ZNF567: variants seen among roughly 807,000 people sequenced by gnomAD.
ZNF567 encodes zinc finger protein 567.
A neutral mutation model predicts 53.9 loss-of-function variants in ZNF567; 36 were observed. The ratio of observed to expected loss-of-function variants is 0.67; its 90% CI spans 0.51 to 0.88. The LOEUF is 0.88. Ranked by LOEUF, ZNF567 falls within the 40% of genes least tolerant of loss-of-function variation. The probability of loss-of-function intolerance (pLI) is 0.00; values close to 1 mark genes in which losing one functional copy is unlikely to be tolerated. For missense variants in ZNF567, 619 were observed against 764.7 expected (o/e 0.81, Z 2.25); for synonymous variants, 224 against 260.4 (o/e 0.86, Z 1.35).
chr19:36,723,410 T>C, downstream of ZNF567: 1 of 578,906 alleles, frequency 1.7e-6, no homozygotes, highest in Non-Finnish European at 3.1e-6. Flanking sequence ...ATGTACTGTT[T>C]CAGTAGAACA....
rs745344434 is a variant in ZNF567 at position 36,712,450 on chromosome 19, A to G, written c.74A>G (p.His25Arg). The G allele has an allele frequency of 4.3e-6, 7 of 1,614,132 alleles. No individual in the cohort carries two copies. In the Admixed American group the frequency reaches 1.2e-4, roughly 27 times the overall value. The change falls in exon 4 of 6, where the codon CAT becomes CGT. Residue 25 changes from histidine (H) to arginine (R), a missense_variant. Physicochemically the swap from His to Arg is conservative, Grantham distance 29. Transcript: ENST00000682579. ...CAGGAGGAGTGGCAGCACCTGGATCATGCTCAGAAGACTCTATATATGGAT... is the reference window on the plus strand; with the variant it reads ...CAGGAGGAGTGGCAGCACCTGGATCGTGCTCAGAAGACTCTATATATGGAT... ...FTQEEWQHLD[H>R]AQKTLYMDVM...
chr19:36,718,477 T>C (rs1600580066), intron 5 of ZNF567, among the ~76,000 whole-genome samples: 1 of 151,964 alleles, frequency 6.6e-6, no homozygotes, highest in African/African-American at 2.4e-5. Flanking sequence ...CCAGCCTGGG[T>C]GACAAAGCGA....
the ZNF567 span, among the ~76,000 whole-genome samples, chr19:36,672,128 A>G: frequency 6.6e-6 from 1 of 152,208 alleles, no homozygotes; most frequent in Non-Finnish European, 1.5e-5. Context: ...GGACATCCCC[A>G]AAGAACAGTG....
chr19:36,719,982 C>G lies in ZNF567; in HGVS notation c.1258C>G (p.Pro420Ala). Residue 420 changes from proline to alanine, a missense_variant, in exon 6 of 6, where the codon CCC becomes GCC. By Grantham distance (27) the Pro-to-Ala change is conservative. Transcript: ENST00000682579. ...VHQRTHTGEK[P>A]YICNECGKSF... is the part of the protein sequence containing the mutation. The stretch of plus-strand genomic sequence containing the variant: ...TCAGAGAACTCATACAGGGGAAAAG[C>G]CCTATATTTGTAATGAATGTGGGAA... The G allele has an allele frequency of 6.2e-7, 1 of 1,613,620 alleles. No individual in the cohort carries two copies. Among genetic ancestry groups the G allele is most frequent in the Non-Finnish European group, 8.5e-7 (1 of 1,179,902 alleles).
the ZNF567 span, among the ~76,000 whole-genome samples, chr19:36,681,343 G>T: frequency 1.3e-5 from 2 of 152,012 alleles, no homozygotes; most frequent in Non-Finnish European, 2.9e-5. Flanking sequence ...ACACATTTAA[G>T]GGTCCCTTTT....
At chr19:36,700,318 G>A (rs988026003) in intron 3 of ZNF567, among the ~76,000 whole-genome samples, 24 of 146,120 alleles carry the variant, frequency 1.6e-4, no homozygotes, top group African/African-American at 3.0e-4. Flanking sequence ...TGCTGGATTC[G>A]GTTTGCCAGT....
At chr19:36,725,553 TG>T (rs1183950019), downstream of ZNF567, among the ~76,000 whole-genome samples, 1 of 152,166 alleles carries the variant, frequency 6.6e-6, no homozygotes, top group Non-Finnish European at 1.5e-5. Flanking sequence ...TGTTACGTTT[TG>T]GGGATGGGAA....
At chr19:36,676,155 C>T in the ZNF567 span, among the ~76,000 whole-genome samples, 1 of 140,710 alleles carries the variant, frequency 7.1e-6, no homozygotes, top group Admixed American at 7.6e-5. Flanking sequence ...CAACCTCTGC[C>T]TCCTGGGTCA....
At chr19:36,673,498 A>G in the ZNF567 span, among the ~76,000 whole-genome samples, 1 of 152,212 alleles carries the variant, frequency 6.6e-6, no homozygotes, top group Non-Finnish European at 1.5e-5. Flanking sequence ...AGTTCTTAAT[A>G]GTACAAAGGC....
Position 36,694,800 on chromosome 19 carries a change from A to G in ZNF567, c.-66-2A>G. On this transcript the variant is annotated splice_acceptor_variant, in intron 2 of 5. Coordinates refer to ENST00000682579, the MANE Select transcript of ZNF567 (RefSeq NM_001322917.1). LOFTEE classifies it low-confidence loss of function (5UTR_SPLICE). ...TTTTTTGTCTCGGCTTTGCCTCCTT[A>G]GGAACTGCCTCTTTTCTAAAGAGGA... 1 of 1,466,162 alleles carries G rather than the reference A, an allele frequency of 6.8e-7. No individual in the cohort carries two copies. The highest frequency in any genetic ancestry group is 9.0e-7 in the Non-Finnish European group (1 of 1,108,690). The allele number at this position is 1,466,162 out of a possible 1,614,324, so 90.8% of individuals were successfully genotyped here.
At chr19:36,711,072 T>TTG (rs34088180) in intron 3 of ZNF567, among the ~76,000 whole-genome samples, 46,259 of 150,268 alleles carry the variant, frequency 0.31, 7,312 homozygotes, top group East Asian at 0.58. Flanking sequence ...CTCTCACTTT[T>TTG]TGTGTGTGTG....
At chr19:36,723,389 A>G, downstream of ZNF567, 1 of 623,484 alleles carries the variant, frequency 1.6e-6, no homozygotes, top group Non-Finnish European at 2.9e-6. Context: ...ACTGATTATC[A>G]TGAAATAGCC....
At chr19:36,676,839 G>A in the ZNF567 span, among the ~76,000 whole-genome samples, 1 of 152,046 alleles carries the variant, frequency 6.6e-6, no homozygotes, top group Non-Finnish European at 1.5e-5. Context: ...GCAACATGGT[G>A]AAACTTCATC....
chr19:36,708,450 C>A (rs550068899), intron 3 of ZNF567, among the ~76,000 whole-genome samples: 3 of 152,060 alleles, frequency 2.0e-5, no homozygotes, highest in Non-Finnish European at 2.9e-5. Context: ...TAATTTAGTC[C>A]GATTCCTGGA....
chr19:36,674,247 C>CCT, the ZNF567 span, among the ~76,000 whole-genome samples: 1 of 152,114 alleles, frequency 6.6e-6, no homozygotes, highest in African/African-American at 2.4e-5. Context: ...ACATGCAAGA[C>CCT]CTTGTGCTTC....
At chr19:36,702,005 T>C (rs1271843275) in intron 3 of ZNF567, among the ~76,000 whole-genome samples, 6 of 152,132 alleles carry the variant, frequency 3.9e-5, no homozygotes, top group Non-Finnish European at 5.9e-5. Flanking sequence ...GTTGATGCAG[T>C]TTCTTCCTAG....
At chr19:36,702,129 A>T (rs2039227374) in intron 3 of ZNF567, among the ~76,000 whole-genome samples, 1 of 152,058 alleles carries the variant, frequency 6.6e-6, no homozygotes. Flanking sequence ...GTGGTGACAA[A>T]AATCTCTCAG....
chr19:36,679,291 A>G, the ZNF567 span, among the ~76,000 whole-genome samples: 1 of 152,126 alleles, frequency 6.6e-6, no homozygotes, highest in Non-Finnish European at 1.5e-5. Flanking sequence ...ATCCCCCCCA[A>G]AAAAACCACA....
At chr19:36,676,326 G>A in the ZNF567 span, among the ~76,000 whole-genome samples, 1 of 150,828 alleles carries the variant, frequency 6.6e-6, no homozygotes, top group African/African-American at 2.4e-5. Flanking sequence ...TCAACCTCCC[G>A]AAGTGCTGGG....
Sources: gnomAD v4.1 joint callset for allele counts (sites outside exome capture counted in the v4.1 genomes callset) on GRCh38, gnomAD v4.1.1 for gene constraint, MANE v1.5 for transcripts, NCBI Gene and HGNC (gene_info 2026-07-23, HGNC 2026-07-21) for gene names.